The following PARP4 variants were observed in gnomAD, a reference collection of about 807,000 sequenced individuals.
PARP4 encodes poly(ADP-ribose) polymerase family member 4.
PARP4 carries 120 observed loss-of-function variants against 187.7 expected under a neutral mutation model. The observed-to-expected ratio is 0.64, with a 90% CI of 0.55 to 0.74. PARP4 has a LOEUF of 0.74. Among genes scored for constraint, PARP4 ranks in the 30% least tolerant of loss-of-function variants. The pLI is 0.00. For synonymous variants in PARP4, 654 were observed against 740.9 expected, an observed-to-expected ratio of 0.88 and a Z score of 1.90; for missense variants, 1,836 against 2,070.5, an observed-to-expected ratio of 0.89 and a Z score of 2.20.
intron 32 of PARP4, among the ~76,000 whole-genome samples, chr13:24,427,173 A>G (rs1448755158): frequency 6.6e-6 from 1 of 152,184 alleles, no homozygotes; most frequent in Non-Finnish European, 1.5e-5. Flanking sequence ...AATAGCTTAG[A>G]AGAGTAAACC....
intron 25 of PARP4, among the ~76,000 whole-genome samples, chr13:24,449,269 T>C (rs1287378874): frequency 1.3e-5 from 2 of 151,106 alleles, no homozygotes; most frequent in Non-Finnish European, 2.9e-5. Context: ...GTGCCTGTAG[T>C]ACCAGCTAGT....
chr13:24,499,982 GTAACAAACTGTC>G (rs1422634758), intron 4 of PARP4, among the ~76,000 whole-genome samples: 2 of 151,484 alleles, frequency 1.3e-5, no homozygotes, highest in Non-Finnish European at 2.9e-5. Context: ...TCAGGCAAAA[GTAACAAACTGTC>G]TTTACTCTAA....
rs764682331 is a variant in PARP4, at chr13:24,500,378, C to T, written c.339G>A (p.Val113=). The change falls in exon 4 of 34, where the codon GTG becomes GTA. Residue 113 remains valine, a synonymous_variant. Coordinates refer to ENST00000381989, the MANE Select transcript of PARP4 (RefSeq NM_006437.4). Reference sequence around the variant, plus strand: ...TGTCCGGGCATAGACCTTCTGTTTTCACTTCTAGAATTAAAAGCAAACAGC... The same window carrying T: ...TGTCCGGGCATAGACCTTCTGTTTTTACTTCTAGAATTAAAAGCAAACAGC... ...PPDQKASSSE[V]KTEGLCPDSA... is the part of the protein sequence containing the mutation. The T allele has an allele frequency of 6.3e-7, 1 of 1,599,270 alleles. No homozygotes were observed. The highest frequency in any genetic ancestry group is 1.1e-5 in the South Asian group (1 of 89,336).
At chr13:24,470,189 C>A (rs1593624294) in intron 15 of PARP4, among the ~76,000 whole-genome samples, 164 bp from the exon 16 acceptor site, 1 of 152,300 alleles carries the variant, frequency 6.6e-6, no homozygotes, top group African/African-American at 2.4e-5. Flanking sequence ...ATGGAGAGCC[C>A]ATGTCATGTG....
In PARP4 at chr13:24,504,402, C is replaced by T. The variant is rs529792268; in HGVS notation, c.-1-625G>A. Among the ~76,000 whole-genome samples, 35 of 150,098 alleles carry T rather than the reference C, an allele frequency of 2.3e-4. No homozygotes were observed. In the South Asian group the frequency reaches 6.9e-3, roughly 30 times the overall value. On this transcript the variant is annotated intron_variant, in intron 1 of 33. Coordinates refer to ENST00000381989, the MANE Select transcript of PARP4 (RefSeq NM_006437.4). ...GATCTCAGCTCACTGCAACCTCCGC[C>T]TCCCTGGTTCAAGCGATTCCCCTGC...
chr13:24,473,088 G>A (rs937052534), intron 15 of PARP4, among the ~76,000 whole-genome samples: 9 of 151,914 alleles, frequency 5.9e-5, no homozygotes, highest in African/African-American at 1.9e-4. Context: ...ACGCCACTGC[G>A]CTCAGCCAAT....
chr13:24,454,180 A>T (rs1488866457), intron 22 of PARP4, among the ~76,000 whole-genome samples: 1 of 152,224 alleles, frequency 6.6e-6, no homozygotes, highest in Non-Finnish European at 1.5e-5. Flanking sequence ...TTACTATGCA[A>T]AATGTTGAGT....
chr13:24,498,403 G>C (rs371113573), intron 5 of PARP4, among the ~76,000 whole-genome samples, 174 bp from the exon 6 acceptor site: 1 of 152,028 alleles, frequency 6.6e-6, no homozygotes, highest in South Asian at 2.1e-4. Context: ...AGAGCAATAC[G>C]ATCACTATTA....
chr13:24,471,129 C>T (rs570672426), intron 15 of PARP4, among the ~76,000 whole-genome samples: 1 of 152,296 alleles, frequency 6.6e-6, no homozygotes, highest in South Asian at 2.1e-4. Context: ...ACTGGGGGGA[C>T]GTCAGACACT....
At chr13:24,464,943 T>C (rs1163297559) in intron 17 of PARP4, among the ~76,000 whole-genome samples, 1 of 150,388 alleles carries the variant, frequency 6.6e-6, no homozygotes, top group African/African-American at 2.5e-5. Flanking sequence ...TAAACAAATT[T>C]ACAAGAAAAA....
intron 12 of PARP4, among the ~76,000 whole-genome samples, chr13:24,484,128 T>C (rs1873427988): frequency 6.6e-6 from 1 of 152,168 alleles, no homozygotes; most frequent in South Asian, 2.1e-4. Flanking sequence ...CCTGAGTCTG[T>C]TTCCTTGCAT....
rs1241681310 is a variant in PARP4 at position 24,424,673 on chromosome 13, C to CTT, written c.4979+1791_4979+1792dup. On this transcript the variant is annotated intron_variant, in intron 33 of 33. Coordinates refer to ENST00000381989, the MANE Select transcript of PARP4 (RefSeq NM_006437.4). The stretch of plus-strand genomic sequence containing the variant: ...TAGAGAGATATAGTCAAATTATGTA[C>CTT]TTTTTTTTTTTTTTTTGAGACGGAG... 2.5e-3 allele frequency among the ~76,000 whole-genome samples: 327 copies of CTT among 129,064 alleles called. 16 individuals are homozygous for CTT. Among genetic ancestry groups the CTT allele is most frequent in the African/African-American group, 8.5e-3 (286 of 33,684 alleles). The allele number at this position is 129,064 out of a possible 152,430, so 84.7% of individuals were successfully genotyped here.
Position 24,452,583 on chromosome 13 carries a change from G to T in PARP4, c.2837C>A (p.Pro946His). 1 of 1,612,004 alleles carries T rather than the reference G, an allele frequency of 6.2e-7. No individual in the cohort carries two copies. Among genetic ancestry groups the T allele is most frequent in the South Asian group, 1.1e-5 (1 of 90,846 alleles). ...CCAGAAGTCTGTGTTCCCCATGGTA[G>T]GTGTGGCAGACTGGAGGAAATGAAG... ...MAAEFIMSAT[P>H]TMGNTDFWKT... The change falls in exon 24 of 34, where the codon CCT becomes CAT. Residue 946 changes from proline to histidine, a missense_variant. Coordinates refer to ENST00000381989, the MANE Select transcript of PARP4 (RefSeq NM_006437.4).
At chr13:24,469,223 T>C (rs1215920947) in intron 16 of PARP4, 113 bp from the exon 17 acceptor site, 1 of 709,660 alleles carries the variant, frequency 1.4e-6, no homozygotes, top group Non-Finnish European at 2.5e-6. Context: ...AAACTGAGTC[T>C]AAGGTGAATG....
chr13:24,505,197 G>C (rs993810829), intron 1 of PARP4, among the ~76,000 whole-genome samples: 5 of 152,080 alleles, frequency 3.3e-5, no homozygotes, highest in Admixed American at 3.3e-4. Flanking sequence ...TAGAGAGCGC[G>C]AGCTTGACAG....
intron 17 of PARP4, among the ~76,000 whole-genome samples, chr13:24,466,903 A>G (rs1336337564): frequency 6.6e-6 from 1 of 152,188 alleles, no homozygotes; most frequent in Non-Finnish European, 1.5e-5. Context: ...GAAAGGAACA[A>G]AGAACAAATG....
chr13:24,484,593 A>C (rs1873452262), intron 12 of PARP4, 60 bp downstream of exon 12: 1 of 1,144,110 alleles, frequency 8.7e-7, no homozygotes, highest in East Asian at 2.4e-5. Context: ...CCAAGGAAAG[A>C]CAGAAGAAAA....
At chr13:24,438,167 G>A (rs766939950) in intron 30 of PARP4, among the ~76,000 whole-genome samples, 2 of 152,208 alleles carry the variant, frequency 1.3e-5, no homozygotes, top group Non-Finnish European at 2.9e-5. Flanking sequence ...ATCACCTAAG[G>A]TGTGGTCCCC....
chr13:24,481,214 G>A (rs140619690), intron 12 of PARP4, among the ~76,000 whole-genome samples: 157 of 152,350 alleles, frequency 1.0e-3, no homozygotes, highest in African/African-American at 3.6e-3. Flanking sequence ...CCAATGTATA[G>A]ATCTACTGCT....
Sources: allele counts gnomAD v4.1 joint callset (sites outside exome capture counted in the v4.1 genomes callset), GRCh38; gene constraint gnomAD v4.1.1; transcripts MANE v1.5; gene names NCBI Gene and HGNC (gene_info 2026-07-23, HGNC 2026-07-21).